The following ADGRL3 variants were observed in gnomAD, a reference collection of about 807,000 sequenced individuals.
ADGRL3 encodes adhesion G protein-coupled receptor L3.
Under a neutral mutation model 153.5 loss-of-function variants are expected in ADGRL3, and 62 were observed. That is an observed-to-expected ratio of 0.40 (90% CI 0.33 to 0.50). The LOEUF (loss-of-function observed/expected upper bound fraction) is 0.50, where lower values mean the gene tolerates loss of function less well. Among genes scored for constraint, ADGRL3 ranks in the 20% least tolerant of loss-of-function variants. The probability of loss-of-function intolerance (pLI) is 0.47; values close to 1 mark genes in which losing one functional copy is unlikely to be tolerated. For synonymous variants in ADGRL3, 710 were observed against 672.5 expected, an observed-to-expected ratio of 1.06 and a Z score of -0.86; for missense variants, 1,641 against 1,859.4, an observed-to-expected ratio of 0.88 and a Z score of 2.16.
chr4:61,263,924 T>A (rs2092698998), intron 1 of ADGRL3, among the ~76,000 whole-genome samples: 2 of 152,092 alleles, frequency 1.3e-5, no homozygotes, highest in East Asian at 1.9e-4. Flanking sequence ...CGTTCCAGGT[T>A]AATTTTGATT....
chr4:61,258,126 G>C (rs2092170706), intron 1 of ADGRL3, among the ~76,000 whole-genome samples: 1 of 152,164 alleles, frequency 6.6e-6, no homozygotes, highest in Non-Finnish European at 1.5e-5. Context: ...AAGAGATCTT[G>C]CTTGCTAGCT....
At chr4:61,552,759 G>A (rs1037144923) in intron 4 of ADGRL3, among the ~76,000 whole-genome samples, 5 of 152,072 alleles carry the variant, frequency 3.3e-5, no homozygotes, top group East Asian at 3.9e-4. Flanking sequence ...ATGAACCACC[G>A]TGTCCCATCA....
At position 61,611,572 on chromosome 4, in the gene ADGRL3, C is replaced by A. The variant is rs867446697; in HGVS notation, c.473+24132C>A. Among the ~76,000 whole-genome samples, 16 of 152,142 alleles carry A rather than the reference C, an allele frequency of 1.1e-4. No individual in the cohort carries two copies. The Middle Eastern group carries it at 0.031, about 291-fold the overall frequency. On this transcript the variant is annotated intron_variant, in intron 5 of 26. Transcript: ENST00000683033. ...GAACAGAAATTTAAGTGAAAAATAT[C>A]TTCAGTAAATATCTTTTTTTACATT...
At chr4:61,296,058 C>T (rs2094401964) in intron 1 of ADGRL3, among the ~76,000 whole-genome samples, 1 of 152,050 alleles carries the variant, frequency 6.6e-6, no homozygotes, top group Non-Finnish European at 1.5e-5. Flanking sequence ...TCTGTGGTTT[C>T]TTATCTAAGG....
At chr4:61,945,503 G>A (rs1371649225) in intron 15 of ADGRL3, among the ~76,000 whole-genome samples, 1 of 134,068 alleles carries the variant, frequency 7.5e-6, no homozygotes, top group African/African-American at 2.8e-5. Flanking sequence ...ACCTAAGCAA[G>A]CCTGGGCAAT....
At chr4:61,950,817 G>T (rs1274759437) in intron 17 of ADGRL3, among the ~76,000 whole-genome samples, 1 of 152,190 alleles carries the variant, frequency 6.6e-6, no homozygotes, top group Non-Finnish European at 1.5e-5. Context: ...GTAGCTATTG[G>T]ATAAAACTGG....
intron 6 of ADGRL3, among the ~76,000 whole-genome samples, chr4:61,701,550 T>G (rs1019200941): frequency 7.4e-5 from 11 of 149,076 alleles, no homozygotes; most frequent in African/African-American, 2.5e-4. Context: ...TTATCCTGCC[T>G]CAGCCTCCCA....
intron 1 of ADGRL3, among the ~76,000 whole-genome samples, chr4:61,282,490 G>A (rs997928307): frequency 6.6e-6 from 1 of 151,962 alleles, no homozygotes; most frequent in Non-Finnish European, 1.5e-5. Context: ...TGCACATGTG[G>A]TAGTGTAGTA....
chr4:61,865,760 C>A (rs532961013), intron 9 of ADGRL3, among the ~76,000 whole-genome samples: 1 of 152,140 alleles, frequency 6.6e-6, no homozygotes, highest in Non-Finnish European at 1.5e-5. Flanking sequence ...CTACCTCTGA[C>A]TCCTACATGG....
intron 1 of ADGRL3, among the ~76,000 whole-genome samples, chr4:61,361,126 G>A (rs975325618): frequency 5.3e-5 from 8 of 152,144 alleles, no homozygotes; most frequent in Non-Finnish European, 5.9e-5. Flanking sequence ...GCTGTGTGAT[G>A]AGCATGCTAT....
chr4:61,794,624 G>A (rs1337615638), intron 8 of ADGRL3, among the ~76,000 whole-genome samples: 5 of 152,152 alleles, frequency 3.3e-5, no homozygotes, highest in Admixed American at 3.3e-4. Context: ...AAAGCTTCCT[G>A]TTGTTGAGAT....
At chr4:61,792,734 C>T (rs966715029) in intron 8 of ADGRL3, among the ~76,000 whole-genome samples, 6 of 151,856 alleles carry the variant, frequency 4.0e-5, no homozygotes, top group South Asian at 2.1e-4. Flanking sequence ...GGGATCTGCC[C>T]GCCTCAGCCT....
chr4:61,518,786 A>T (rs1394181079), intron 4 of ADGRL3, among the ~76,000 whole-genome samples: 1 of 152,022 alleles, frequency 6.6e-6, no homozygotes, highest in Non-Finnish European at 1.5e-5. Flanking sequence ...TGTAGAATGG[A>T]CTCCAGTGTG....
At chr4:61,830,323 C>A (rs1197723201) in intron 9 of ADGRL3, among the ~76,000 whole-genome samples, 3 of 152,184 alleles carry the variant, frequency 2.0e-5, no homozygotes, top group African/African-American at 4.8e-5. Context: ...AACTCCACAA[C>A]TCTATACTCC....
At chr4:61,262,771 G>A (rs561676815) in intron 1 of ADGRL3, among the ~76,000 whole-genome samples, 3 of 152,050 alleles carry the variant, frequency 2.0e-5, no homozygotes, top group South Asian at 4.1e-4. Flanking sequence ...AACTTACCAC[G>A]GAATCACAGA....
At chr4:61,994,220 T>C (rs1463527410) in intron 19 of ADGRL3, among the ~76,000 whole-genome samples, 5 of 152,178 alleles carry the variant, frequency 3.3e-5, no homozygotes, top group African/African-American at 1.2e-4. Flanking sequence ...GGTTCATGAC[T>C]CACCACAGCC....
intron 4 of ADGRL3, among the ~76,000 whole-genome samples, chr4:61,568,923 T>C (rs2098827405): frequency 6.6e-6 from 1 of 152,190 alleles, no homozygotes; most frequent in African/African-American, 2.4e-5. Context: ...CTTCAATCTA[T>C]GGATCGTGAC....
rs148518808 is a variant in ADGRL3 at position 61,381,532 on chromosome 4, G to A, written c.-239-1592G>A. On this transcript the variant is annotated intron_variant, in intron 1 of 26. Transcript: ENST00000683033. Reference sequence around the variant, plus strand: ...TAGGAGTGTCAGGGAAGATAAGATTGGTTTTATCTGTGGTGGAGTGGGTTT... The same window carrying A: ...TAGGAGTGTCAGGGAAGATAAGATTAGTTTTATCTGTGGTGGAGTGGGTTT... Among the ~76,000 whole-genome samples the A allele has an allele frequency of 4.3e-3, 656 of 151,926 alleles. 2 individuals carry two copies. The highest frequency in any genetic ancestry group is 7.1e-3 in the Non-Finnish European group (483 of 67,910).
At chr4:61,285,510 G>C (rs2093901742) in intron 1 of ADGRL3, among the ~76,000 whole-genome samples, 1 of 151,662 alleles carries the variant, frequency 6.6e-6, no homozygotes, top group South Asian at 2.1e-4. Context: ...TTTTAGCAGT[G>C]TTGCCCCACA....
Sources: gnomAD v4.1 joint callset for allele counts (sites outside exome capture counted in the v4.1 genomes callset) on GRCh38, gnomAD v4.1.1 for gene constraint, MANE v1.5 for transcripts, NCBI Gene and HGNC (gene_info 2026-07-23, HGNC 2026-07-21) for gene names.